SLC45A1: variants seen among roughly 807,000 people sequenced by gnomAD.
SLC45A1 encodes the protein solute carrier family 45 member 1, also known as proton-associated sugar transporter A.
SLC45A1 carries 28 observed loss-of-function variants against 57.6 expected under a neutral mutation model. That is an observed-to-expected ratio of 0.49 (90% CI 0.36 to 0.67). The LOEUF is 0.67. SLC45A1 is among the 30% of genes least tolerant of loss of function. SLC45A1 has a pLI of 0.00. For missense variants in SLC45A1, 814 were observed against 1,041.5 expected (o/e 0.78, Z 3.01); for synonymous variants, 459 against 471.5 (o/e 0.97, Z 0.34).
In SLC45A1 at chr1:8,328,706, G is replaced by A. The variant is rs894390300; in HGVS notation, c.716-1503G>A. 4.6e-5 allele frequency among the ~76,000 whole-genome samples: 7 copies of A among 152,176 alleles called. No individual in the cohort carries two copies. Among genetic ancestry groups the A allele is most frequent in the African/African-American group, 1.7e-4 (7 of 41,428 alleles). On this transcript the variant is annotated intron_variant, in intron 4 of 8. Transcript: ENST00000471889. The surrounding 1 kb of genome is among the most constrained non-coding windows in gnomAD (Gnocchi z 4.6). ...ATACAAAAATTAGCCGGGCGTGGTG[G>A]TGAGCGCCTGTAATCCCAGCTACTC...
intron 1 of SLC45A1, among the ~76,000 whole-genome samples, chr1:8,320,682 TCTCTCTCTCTACAC>T (rs1639979034): frequency 6.4e-5 from 2 of 31,222 alleles, no homozygotes; most frequent in African/African-American, 1.7e-4. Context: ...TCTCTGTTTC[TCTCTCTCTCTACAC>T]ACACACACAC....
rs1207462090 is a variant in SLC45A1 at position 8,328,274 on chromosome 1, G to A, written c.716-1935G>A. On this transcript the variant is annotated intron_variant, in intron 4 of 8. Transcript: ENST00000471889. This position sits in a 1 kb window ranked among gnomAD's most constrained non-coding sequence, Gnocchi z 4.6. ...TACAGGACCCGAATGAAGAGGCTGGGTCACCCAGTGGTTAGGGGCTCGGGC... is the reference window on the plus strand; with the variant it reads ...TACAGGACCCGAATGAAGAGGCTGGATCACCCAGTGGTTAGGGGCTCGGGC... 6.6e-6 allele frequency: 1 copy of A among 152,200 alleles called. No homozygotes were observed. The highest frequency in any genetic ancestry group is 6.5e-5 in the Admixed American group (1 of 15,290). 9.4% of individuals were successfully genotyped at this position (152,200 alleles called of 1,614,324 possible).
At chr1:8,331,783 G>A (rs557844560) in intron 5 of SLC45A1, among the ~76,000 whole-genome samples, 79 of 143,566 alleles carry the variant, frequency 5.5e-4, no homozygotes, top group African/African-American at 1.7e-3. Flanking sequence ...GGCTGGGAGC[G>A]ACAGTGACAA....
rs746271502 is a variant in SLC45A1 at position 8,330,165 on chromosome 1, TCTC to T, written c.716-39_716-37del. 30 of 1,590,890 alleles carry T rather than the reference TCTC, an allele frequency of 1.9e-5. 1 individual carries two copies. In the South Asian group the frequency reaches 2.4e-4, roughly 13 times the overall value. ...GAACGGGGCCACCGCGTTTGGGGCT[TCTC>T]CTCCCGCAGAAGGGAACTCAAACCC... is the stretch of plus-strand genomic sequence containing the variant. On this transcript the variant is annotated intron_variant, in intron 4 of 8. Transcript: ENST00000471889. The surrounding 1 kb of genome is among the most constrained non-coding windows in gnomAD (Gnocchi z 8.4).
Position 8,325,091 on chromosome 1 carries a change from G to A in SLC45A1, c.398-207G>A, listed in dbSNP as rs188652453. 5.2e-4 allele frequency among the ~76,000 whole-genome samples: 79 copies of A among 152,284 alleles called. No homozygotes were observed. The highest frequency in any genetic ancestry group is 1.8e-3 in the African/African-American group (73 of 41,560). ...TTAGGGCCTTAGGGTCCAAAGTGGA[G>A]GATTTAAGGAGATGCTGAGCAATCC... On this transcript the variant is annotated intron_variant, in intron 2 of 8. Transcript: ENST00000471889. The surrounding 1 kb of genome is among the most constrained non-coding windows in gnomAD (Gnocchi z 6.3).
At position 8,324,396 on chromosome 1, in the gene SLC45A1, T is replaced by C; in HGVS notation, c.67T>C (p.Phe23Leu). 6.2e-7 allele frequency: 1 copy of C among 1,612,744 alleles called. No homozygotes were observed. Among genetic ancestry groups the C allele is most frequent in the Non-Finnish European group, 8.5e-7 (1 of 1,179,976 alleles). The change falls in exon 2 of 9, where the codon TTC (phenylalanine) becomes CTC (leucine). Residue 23 changes from phenylalanine to leucine, a missense_variant. Phe to Leu is a conservative substitution (Grantham distance 22, BLOSUM62 0). Coordinates refer to ENST00000471889, the MANE Select transcript of SLC45A1 (RefSeq NM_001080397.3). The stretch of plus-strand genomic sequence containing the variant: ...CTTCCCCAGCGTGGCCCCACAGGAC[T>C]TCTGGAGGTCCCAGGTCACGGGCTA... Reference protein sequence around the residue: ...ALFPSVAPQDFWRSQVTGYSG... With the variant: ...ALFPSVAPQDLWRSQVTGYSG...
At position 8,335,192 on chromosome 1, in the gene SLC45A1, G is replaced by A. The variant is rs1472041077; in HGVS notation, c.1444-245G>A. Among the ~76,000 whole-genome samples, 1 of 152,214 alleles carries A rather than the reference G, an allele frequency of 6.6e-6. No individual in the cohort carries two copies. The highest frequency in any genetic ancestry group is 1.9e-4 in the East Asian group (1 of 5,194). On this transcript the variant is annotated intron_variant, in intron 5 of 8. Transcript: ENST00000471889. This position sits in a 1 kb window ranked among gnomAD's most constrained non-coding sequence, Gnocchi z 4.1. Reference sequence around the variant, plus strand: ...CCTGTGGCACAGATAGTGTCCTGTGGCCACACTGTGGGCACACCTGAAATG... The same window carrying A: ...CCTGTGGCACAGATAGTGTCCTGTGACCACACTGTGGGCACACCTGAAATG...
chr1:8,336,460 G>A (rs533298123), intron 6 of SLC45A1, among the ~76,000 whole-genome samples: 1 of 151,964 alleles, frequency 6.6e-6, no homozygotes, highest in Non-Finnish European at 1.5e-5. Context: ...CATACATTGT[G>A]GGACATAAAT....
intron 1 of SLC45A1, among the ~76,000 whole-genome samples, chr1:8,319,997 C>T (rs893665784): frequency 1.3e-5 from 2 of 152,108 alleles, no homozygotes; most frequent in Non-Finnish European, 2.9e-5. Flanking sequence ...GCATTACAGG[C>T]GTCAGCCACT....
intron 1 of SLC45A1, among the ~76,000 whole-genome samples, chr1:8,322,153 C>G (rs1472014651): frequency 4.5e-4 from 3 of 6,604 alleles, no homozygotes; most frequent in Admixed American, 3.7e-3. Flanking sequence ...GTGCGTGGGT[C>G]CATAGTTACA....
At chr1:8,340,775 A>T (rs1265177898) in intron 8 of SLC45A1, among the ~76,000 whole-genome samples, 1 of 152,200 alleles carries the variant, frequency 6.6e-6, no homozygotes, top group East Asian at 1.9e-4. Context: ...TTATTTGGAC[A>T]GGCCTGAGTA....
At chr1:8,323,687 G>A (rs994086196) in intron 1 of SLC45A1, among the ~76,000 whole-genome samples, 1 of 152,158 alleles carries the variant, frequency 6.6e-6, no homozygotes, top group Admixed American at 6.5e-5. Context: ...ACTTGTCAAT[G>A]GGTGCTGAAG....
chr1:8,324,521 C>CCA lies in SLC45A1; in HGVS notation c.192_193insCA (p.Asn65GlnfsTer45). 1 of 1,604,874 alleles carries CCA rather than the reference C, an allele frequency of 6.2e-7. No homozygotes were observed. Among genetic ancestry groups the CCA allele is most frequent in the Non-Finnish European group, 8.5e-7 (1 of 1,173,244 alleles). Reference sequence around the variant, plus strand: ...TTCGTCCCTCCCCACCCCCGCCCCCCAACACCCCGTGCCCGCTTGAGCTGG... The same window carrying CCA: ...TTCGTCCCTCCCCACCCCCGCCCCCCCAAACACCCCGTGCCCGCTTGAGCTGG... On this transcript the variant is annotated frameshift_variant, in exon 2 of 9. Transcript: ENST00000471889. LOFTEE classifies it high-confidence loss of function.
chr1:8,320,014 G>A (rs967369811), intron 1 of SLC45A1, among the ~76,000 whole-genome samples: 10 of 152,048 alleles, frequency 6.6e-5, no homozygotes, highest in Non-Finnish European at 1.0e-4. Flanking sequence ...CACTGTGCCC[G>A]GTCTCAAAAA....
rs1224657741 is a variant in SLC45A1, at chr1:8,326,410, A to G, written c.715+368A>G. 3.3e-5 allele frequency among the ~76,000 whole-genome samples: 5 copies of G among 152,202 alleles called. No individual in the cohort carries two copies. Among genetic ancestry groups the G allele is most frequent in the Non-Finnish European group, 7.3e-5 (5 of 68,032 alleles). On this transcript the variant is annotated intron_variant, in intron 4 of 8. Transcript: ENST00000471889. This position sits in a 1 kb window ranked among gnomAD's most constrained non-coding sequence, Gnocchi z 5.5. ...GTGAGCCTCCAGTCACAACGTTTTC[A>G]TCAACGGATCAACACATAACCTTGT...
chr1:8,324,393 G>A lies in SLC45A1; in HGVS notation c.64G>A (p.Asp22Asn). Residue 22 changes from aspartate to asparagine, a missense_variant, in exon 2 of 9, where the codon GAC (aspartate) becomes AAC (asparagine). Coordinates refer to ENST00000471889, the MANE Select transcript of SLC45A1 (RefSeq NM_001080397.3). ...DALFPSVAPQ[D>N]FWRSQVTGYS... ...CCTCTTCCCCAGCGTGGCCCCACAG[G>A]ACTTCTGGAGGTCCCAGGTCACGGG... The A allele has an allele frequency of 3.1e-6, 5 of 1,612,772 alleles. No individual in the cohort carries two copies. The highest frequency in any genetic ancestry group is 4.2e-6 in the Non-Finnish European group (5 of 1,179,966).
intron 1 of SLC45A1, among the ~76,000 whole-genome samples, chr1:8,320,734 C>CTT (rs1553149616): frequency 0.55 from 81,794 of 149,472 alleles, 22,848 homozygotes; most frequent in East Asian, 0.77. Context: ...CACACACACA[C>CTT]CTGCCATATG....
intron 5 of SLC45A1, among the ~76,000 whole-genome samples, chr1:8,331,834 C>G (rs11589962): frequency 0.031 from 4,760 of 151,568 alleles, 103 homozygotes; most frequent in Middle Eastern, 0.068. Flanking sequence ...ACTCTGTCGC[C>G]CAGGCTGGAG....
In SLC45A1 at chr1:8,330,209, G is replaced by T; in HGVS notation, c.716G>T (p.Gly239Val). The T allele has an allele frequency of 6.2e-7, 1 of 1,612,588 alleles. No homozygotes were observed. Among genetic ancestry groups the T allele is most frequent in the Non-Finnish European group, 8.5e-7 (1 of 1,179,114 alleles). The change falls in exon 5 of 9, where the codon GGT becomes GTT. Residue 239 changes from glycine (G) to valine (V), a missense_variant and splice_region_variant. Physicochemically the swap from Gly to Val is moderately radical, Grantham distance 109 (BLOSUM62 -3). Transcript: ENST00000471889. This position sits in a 1 kb window ranked among gnomAD's most constrained non-coding sequence, Gnocchi z 8.4. The part of the protein sequence containing the change: ...RGLNIHALLA[G>V]LGGGFGYVVG... The stretch of plus-strand genomic sequence containing the variant: ...ACTCAAACCCTGTCTCTTTCCCCAG[G>T]TCTCGGAGGAGGCTTTGGATACGTG...
Sources: gnomAD v4.1 joint callset for allele counts (sites outside exome capture counted in the v4.1 genomes callset) on GRCh38, gnomAD v4.1.1 for gene constraint, Gnocchi (gnomAD v3.1) non-coding constraint, MANE v1.5 for transcripts, NCBI Gene and HGNC (gene_info 2026-07-23, HGNC 2026-07-21) for gene names.